Variants in ITGB3BP observed in about 807,000 individuals in gnomAD.
ITGB3BP encodes the protein integrin subunit beta 3 binding protein.
ITGB3BP carries 27 observed loss-of-function variants against 29.1 expected under a neutral mutation model. The observed-to-expected ratio is 0.93, with a 90% CI of 0.68 to 1.28. The LOEUF is 1.28. ITGB3BP is among the 50% of genes most tolerant of loss of function. The pLI is 0.00. For synonymous variants in ITGB3BP, 61 were observed against 61.4 expected, an observed-to-expected ratio of 0.99 and a Z score of 0.03; for missense variants, 192 against 200.2, an observed-to-expected ratio of 0.96 and a Z score of 0.25.
intron 4 of ITGB3BP, among the ~76,000 whole-genome samples, chr1:63,476,234 A>G (rs2100614541): frequency 6.6e-6 from 1 of 151,448 alleles, no homozygotes; most frequent in South Asian, 2.1e-4. Flanking sequence ...CACGATATCA[A>G]CTCACTGCAA....
chr1:63,525,882 G>A (rs1311812751), upstream of ITGB3BP: 1 of 643,434 alleles, frequency 1.6e-6, no homozygotes, highest in East Asian at 3.1e-5. Context: ...CTTGAGCAAT[G>A]GAACTACAGT....
At chr1:63,523,388 C>G, upstream of ITGB3BP, 1 of 570,258 alleles carries the variant, frequency 1.8e-6, no homozygotes, top group South Asian at 2.0e-5. Flanking sequence ...CCTTCTCTCA[C>G]TACTCTGGCC....
chr1:63,522,823 G>A, intron 1 of ITGB3BP: 4 of 506,290 alleles, frequency 7.9e-6, no homozygotes, highest in Non-Finnish European at 1.5e-5. Context: ...CATCTACTCT[G>A]TCCCATCCTG....
chr1:63,478,338 T>C (rs560634910), intron 4 of ITGB3BP, among the ~76,000 whole-genome samples: 4 of 152,312 alleles, frequency 2.6e-5, no homozygotes, highest in South Asian at 2.1e-4. Flanking sequence ...TTGAAAATGA[T>C]TGGTTGCTCG....
At chr1:63,510,497 C>T (rs989111659) in intron 1 of ITGB3BP, among the ~76,000 whole-genome samples, 1 of 152,160 alleles carries the variant, frequency 6.6e-6, no homozygotes, top group Admixed American at 6.5e-5. Flanking sequence ...TCATCTCCCA[C>T]TTTATGTTTG....
chr1:63,441,535 CTTAT>C (rs1296682734), intron 8 of ITGB3BP, among the ~76,000 whole-genome samples: 1 of 152,166 alleles, frequency 6.6e-6, no homozygotes, highest in African/African-American at 2.4e-5. Context: ...TGTGCCCGGC[CTTAT>C]TTGCTTTTTG....
chr1:63,494,196 G>A (rs543149167), intron 2 of ITGB3BP, among the ~76,000 whole-genome samples: 23 of 151,900 alleles, frequency 1.5e-4, no homozygotes, highest in Non-Finnish European at 2.9e-4. Flanking sequence ...CTGGAGTGCA[G>A]TGGCACGGTC....
intron 4 of ITGB3BP, among the ~76,000 whole-genome samples, chr1:63,460,636 C>A (rs2100533276): frequency 6.6e-6 from 1 of 152,178 alleles, no homozygotes; most frequent in East Asian, 1.9e-4. Flanking sequence ...TCACTGTTTT[C>A]ATTTATTTTG....
intron 2 of ITGB3BP, among the ~76,000 whole-genome samples, chr1:63,492,030 C>A (rs977759562): frequency 4.6e-5 from 7 of 152,090 alleles, no homozygotes; most frequent in African/African-American, 1.7e-4. Flanking sequence ...AAAGTCACTA[C>A]CCTAATGTAC....
chr1:63,452,531 T>C (rs1644874550), intron 7 of ITGB3BP, among the ~76,000 whole-genome samples: 1 of 152,186 alleles, frequency 6.6e-6, no homozygotes, highest in African/African-American at 2.4e-5. Context: ...GCCAGGCGTG[T>C]TGGCTTATGC....
intron 7 of ITGB3BP, among the ~76,000 whole-genome samples, chr1:63,452,528 G>T (rs1238034432): frequency 6.6e-6 from 1 of 152,142 alleles, no homozygotes. Flanking sequence ...GAGGCCAGGC[G>T]TGTTGGCTTA....
intron 1 of ITGB3BP, among the ~76,000 whole-genome samples, chr1:63,509,153 C>A (rs1179817292): frequency 6.6e-6 from 1 of 152,170 alleles, no homozygotes; most frequent in Non-Finnish European, 1.5e-5. Flanking sequence ...GTTTCCTTCA[C>A]TAAACTGATT....
chr1:63,487,762 C>T (rs765785976), intron 3 of ITGB3BP, among the ~76,000 whole-genome samples: 2 of 152,180 alleles, frequency 1.3e-5, no homozygotes, highest in Admixed American at 6.5e-5. Flanking sequence ...ATGTAGTACA[C>T]GACTATATCA....
At chr1:63,475,401 A>G (rs1392959617) in intron 4 of ITGB3BP, among the ~76,000 whole-genome samples, 1 of 152,204 alleles carries the variant, frequency 6.6e-6, no homozygotes, top group Non-Finnish European at 1.5e-5. Context: ...ACAAAAAAAT[A>G]AAAGAATTAG....
At chr1:63,495,774 T>C (rs1030214377) in intron 2 of ITGB3BP, among the ~76,000 whole-genome samples, 1 of 152,148 alleles carries the variant, frequency 6.6e-6, no homozygotes, top group Admixed American at 6.5e-5. Context: ...GGATGCTTTA[T>C]CTTAGGCTCC....
At chr1:63,451,261 T>C (rs1644855911) in intron 7 of ITGB3BP, among the ~76,000 whole-genome samples, 1 of 151,878 alleles carries the variant, frequency 6.6e-6, no homozygotes, top group Non-Finnish European at 1.5e-5. Context: ...ATTCTTTTGA[T>C]AGTGAAACAA....
At chr1:63,462,285 G>A (rs1478105001) in intron 4 of ITGB3BP, among the ~76,000 whole-genome samples, 2 of 152,068 alleles carry the variant, frequency 1.3e-5, no homozygotes, top group Non-Finnish European at 2.9e-5. Flanking sequence ...ATTCATTACA[G>A]GTATATGGAA....
intron 1 of ITGB3BP, among the ~76,000 whole-genome samples, chr1:63,509,043 C>G (rs540172500): frequency 2.9e-4 from 44 of 152,286 alleles, no homozygotes; most frequent in Non-Finnish European, 5.1e-4. Context: ...GCACATTATT[C>G]TAGCTTTAAA....
intron 2 of ITGB3BP, among the ~76,000 whole-genome samples, chr1:63,502,472 T>A (rs964576839): frequency 6.6e-6 from 1 of 151,122 alleles, no homozygotes; most frequent in Non-Finnish European, 1.5e-5. Flanking sequence ...TCCACAAGGC[T>A]GGGAAGGCCT....
Sources: gnomAD v4.1 joint callset for allele counts (sites outside exome capture counted in the v4.1 genomes callset) on GRCh38, gnomAD v4.1.1 for gene constraint, MANE v1.5 for transcripts, NCBI Gene and HGNC (gene_info 2026-07-23, HGNC 2026-07-21) for gene names.